QKI: variants seen among roughly 807,000 people sequenced by gnomAD.
The protein encoded by QKI is KH domain-containing RNA-binding protein QKI.
In QKI, 10 loss-of-function variants were observed where a neutral mutation model predicts 39.0. That is an observed-to-expected ratio of 0.26 (90% CI 0.16 to 0.43). The LOEUF is 0.43. Ranked by LOEUF, QKI falls within the 20% of genes least tolerant of loss-of-function variation. QKI has a pLI of 1.00. For synonymous variants in QKI, 204 were observed against 155.4 expected (o/e 1.31, Z -2.33); for missense variants, 218 against 428.0 (o/e 0.51, Z 4.33).
In QKI at chr6:163,517,085, C is replaced by CTT. The variant is rs1228467178; in HGVS notation, c.403-17896_403-17895insTT. ...TCTCTCTCTCTCTCTCTCTCTTTCTCTCTCTCTCTCTCTCTCTAGCTCTCT... is the reference window on the plus strand; with the variant it reads ...TCTCTCTCTCTCTCTCTCTCTTTCTCTTTCTCTCTCTCTCTCTCTAGCTCTCT... On this transcript the variant is annotated intron_variant, in intron 3 of 7. Transcript: ENST00000361752. Among the ~76,000 whole-genome samples the CTT allele has an allele frequency of 6.9e-3, 551 of 79,846 alleles. 4 individuals carry two copies. The highest frequency in any genetic ancestry group is 0.01 in the Non-Finnish European group (420 of 40,562). The allele number at this position is 79,846 out of a possible 152,430, so 52.4% of individuals were successfully genotyped here.
intron 3 of QKI, among the ~76,000 whole-genome samples, chr6:163,500,880 G>A (rs554727639): frequency 1.3e-5 from 2 of 152,076 alleles, no homozygotes; most frequent in Non-Finnish European, 2.9e-5. Flanking sequence ...TTCAAGCCAC[G>A]CCCACACACA....
chr6:163,563,520 G>C lies in QKI; in HGVS notation c.735G>C (p.Thr245=). 3 of 1,614,120 alleles carry C rather than the reference G, an allele frequency of 1.9e-6. No homozygotes were observed. The South Asian group carries it at 3.3e-5, about 18-fold the overall frequency. The change falls in exon 6 of 8, where the codon ACG becomes ACC. Residue 245 remains threonine (T), a synonymous_variant. Coordinates refer to ENST00000361752, the MANE Select transcript of QKI (RefSeq NM_006775.3). ...CACCAGCTGCCCTGCGTACTCCTAC[G>C]CCAGCTGGCCCTACCATAATGCCTT... ...VLPPAALRTP[T]PAGPTIMPLI... is the part of the protein sequence containing the mutation.
chr6:163,538,948 GATA>G (rs1488991095), intron 4 of QKI, among the ~76,000 whole-genome samples: 1 of 152,176 alleles, frequency 6.6e-6, no homozygotes, highest in African/African-American at 2.4e-5. Context: ...TATAAAAGTT[GATA>G]GCAAATGTTG....
intron 4 of QKI, among the ~76,000 whole-genome samples, chr6:163,547,873 G>GTCA (rs1781986061): frequency 6.6e-6 from 1 of 152,030 alleles, no homozygotes; most frequent in Non-Finnish European, 1.5e-5. Flanking sequence ...ATATAGAAAT[G>GTCA]TCATCACACT....
intron 4 of QKI, among the ~76,000 whole-genome samples, chr6:163,553,062 TTTTATTTATTTA>T (rs200656963): frequency 0.35 from 41,453 of 118,928 alleles, 7,795 homozygotes; most frequent in East Asian, 0.54. Flanking sequence ...TTTTTTTAAT[TTTTATTTATTTA>T]TTTATTTATT....
intron 6 of QKI, chr6:163,565,116 G>T (rs566870207): frequency 1.9e-4 from 191 of 1,013,004 alleles, no homozygotes; most frequent in Non-Finnish European, 2.2e-4. Flanking sequence ...TAAAGTAATT[G>T]CAGGTCAGAA....
chr6:163,436,738 C>T (rs1215964716), intron 1 of QKI, among the ~76,000 whole-genome samples: 1 of 124,074 alleles, frequency 8.1e-6, no homozygotes, highest in Non-Finnish European at 1.6e-5. Flanking sequence ...TGCAGTGAGC[C>T]AAGATCACTC....
chr6:163,548,494 A>T (rs1782027657), intron 4 of QKI, among the ~76,000 whole-genome samples: 1 of 152,242 alleles, frequency 6.6e-6, no homozygotes, highest in South Asian at 2.1e-4. Flanking sequence ...GGTCATACAC[A>T]TACGTAAGCC....
intron 3 of QKI, among the ~76,000 whole-genome samples, chr6:163,479,110 A>G (rs1372125241): frequency 8.9e-6 from 1 of 112,424 alleles, no homozygotes; most frequent in Non-Finnish European, 1.8e-5. Flanking sequence ...ACATGGTGAA[A>G]CCCTGTCTTT....
At chr6:163,485,556 G>T (rs945071702) in intron 3 of QKI, among the ~76,000 whole-genome samples, 1 of 152,158 alleles carries the variant, frequency 6.6e-6, no homozygotes, top group Non-Finnish European at 1.5e-5. Context: ...TCTGCAATTT[G>T]TCAGCTCTTC....
intron 3 of QKI, among the ~76,000 whole-genome samples, chr6:163,534,536 G>A (rs773135764): frequency 3.9e-5 from 6 of 152,218 alleles, no homozygotes; most frequent in Non-Finnish European, 7.3e-5. Context: ...TGTTAGCTGT[G>A]TGACATTGAG....
Position 163,425,790 on chromosome 6 carries a change from T to TA in QKI, c.142+10456dup, listed in dbSNP as rs1788361536. ...TAGCTGTCAGAGCCCAATTTTTAGT[T>TA]AGAGAATTGAGCTTTTATTTCTATA... On this transcript the variant is annotated intron_variant, in intron 1 of 7. Coordinates refer to ENST00000361752, the MANE Select transcript of QKI (RefSeq NM_006775.3). 2.6e-5 allele frequency among the ~76,000 whole-genome samples: 4 copies of TA among 152,272 alleles called. No individual in the cohort carries two copies. In the South Asian group the frequency reaches 8.3e-4, roughly 32 times the overall value.
At chr6:163,449,465 T>C (rs527695273) in intron 1 of QKI, among the ~76,000 whole-genome samples, 2 of 152,306 alleles carry the variant, frequency 1.3e-5, no homozygotes, top group Admixed American at 6.5e-5. Flanking sequence ...TGAAAAAATA[T>C]ATATGTCTAT....
chr6:163,567,863 A>T, intron 7 of QKI: 1 of 985,500 alleles, frequency 1.0e-6, no homozygotes, highest in East Asian at 1.1e-4. Context: ...TTTATGAAGG[A>T]CCTACCTGCT....
At chr6:163,568,610 T>C in intron 7 of QKI, 1 of 976,986 alleles carries the variant, frequency 1.0e-6, no homozygotes, top group Non-Finnish European at 1.2e-6. Flanking sequence ...TACTACTGTT[T>C]TCTCTATTTT....
chr6:163,534,974 T>C lies in QKI; in HGVS notation c.403-8T>C, dbSNP rs767738479. The C allele has an allele frequency of 2.5e-6, 4 of 1,589,328 alleles. No homozygotes were observed. ...TAATTTTAATCATGTACTCTGTAAA[T>C]TTTTTAGGAGGAGCAAAATAGAGGC... On this transcript the variant is annotated splice_polypyrimidine_tract_variant and splice_region_variant and intron_variant, in intron 3 of 7. Coordinates refer to ENST00000361752, the MANE Select transcript of QKI (RefSeq NM_006775.3).
chr6:163,515,137 A>C (rs999413942), intron 3 of QKI, among the ~76,000 whole-genome samples: 1 of 152,192 alleles, frequency 6.6e-6, no homozygotes, highest in South Asian at 2.1e-4. Context: ...ATTTGAAAAG[A>C]TGCTTTACCT....
At chr6:163,455,892 G>A (rs1365847141) in intron 2 of QKI, among the ~76,000 whole-genome samples, 2 of 152,050 alleles carry the variant, frequency 1.3e-5, no homozygotes, top group Non-Finnish European at 2.9e-5. Flanking sequence ...TTCTCTATAA[G>A]CATCTTGTTG....
At chr6:163,541,934 T>C (rs1184100252) in intron 4 of QKI, among the ~76,000 whole-genome samples, 1 of 151,960 alleles carries the variant, frequency 6.6e-6, no homozygotes, top group Non-Finnish European at 1.5e-5. Context: ...ATGTTCCTCC[T>C]TCCTCTTTTT....
Sources: gnomAD v4.1 joint callset for allele counts (sites outside exome capture counted in the v4.1 genomes callset) on GRCh38, gnomAD v4.1.1 for gene constraint, MANE v1.5 for transcripts, NCBI Gene and HGNC (gene_info 2026-07-23, HGNC 2026-07-21) for gene names.